Variants in TDRKH observed in about 807,000 individuals in gnomAD.
TDRKH encodes the protein tudor and KH domain containing, also known as tudor and KH domain-containing protein.
In TDRKH, 28 loss-of-function variants were observed where a neutral mutation model predicts 61.3. The ratio of observed to expected loss-of-function variants is 0.46; its 90% CI spans 0.34 to 0.63. The LOEUF is 0.63. Ranked by LOEUF, TDRKH falls within the 20% of genes least tolerant of loss-of-function variation. The pLI is 0.01. For missense variants in TDRKH, 540 were observed against 683.4 expected (o/e 0.79, Z 2.34); for synonymous variants, 219 against 244.4 (o/e 0.90, Z 0.97).
downstream of TDRKH, chr1:151,771,292 G>A (rs1356190154): frequency 6.4e-7 from 1 of 1,570,512 alleles, no homozygotes; most frequent in Non-Finnish European, 8.6e-7. Context: ...ATGTGATTCA[G>A]GACACTTTCC....
chr1:151,774,951 T>C (rs1643991824), intron 11 of TDRKH, 114 bp downstream of exon 11: 2 of 1,352,308 alleles, frequency 1.5e-6, no homozygotes, highest in Non-Finnish European at 1.0e-6. Flanking sequence ...GGTCAACTAC[T>C]GGAGGAGCTC....
At chr1:151,768,010 C>A (rs755450596), downstream of TDRKH, 5 of 1,607,376 alleles carry the variant, frequency 3.1e-6, no homozygotes, top group African/African-American at 6.7e-5. Context: ...CCCCATCTGC[C>A]TGAGGTCTGA....
In TDRKH at chr1:151,774,701, T is replaced by C. The variant is rs757507082; in HGVS notation, c.1633+9A>G. 1 of 1,613,816 alleles carries C rather than the reference T, an allele frequency of 6.2e-7. No individual in the cohort carries two copies. Among genetic ancestry groups the C allele is most frequent in the Non-Finnish European group, 8.5e-7 (1 of 1,179,792 alleles). ...CAAAGATGCTCTAGGGAGGAAATAC[T>C]GCTTGTACCTGATAAGCTGAGGCAG... is the stretch of plus-strand genomic sequence containing the variant. On this transcript the variant is annotated intron_variant, in intron 12 of 12. Coordinates refer to ENST00000368824, the MANE Select transcript of TDRKH (RefSeq NM_001083965.2).
intron 2 of TDRKH, among the ~76,000 whole-genome samples, chr1:151,782,405 C>T (rs1649909805): frequency 6.6e-6 from 1 of 152,018 alleles, no homozygotes; most frequent in Non-Finnish European, 1.5e-5. Flanking sequence ...CGAGATTGCT[C>T]CACTGCACTC....
chr1:151,773,118 C>T (rs1233416763), downstream of TDRKH, among the ~76,000 whole-genome samples: 3 of 152,168 alleles, frequency 2.0e-5, no homozygotes, highest in Non-Finnish European at 2.9e-5. Flanking sequence ...TCTCAGCTCA[C>T]TGCAACCTCC....
At chr1:151,767,322 C>G, downstream of TDRKH, 5 of 1,608,158 alleles carry the variant, frequency 3.1e-6, no homozygotes, top group Admixed American at 1.7e-5. Context: ...TGAGCTAGTG[C>G]TGTGACAGGG....
intron 1 of TDRKH, chr1:151,783,495 T>G (rs35604724): frequency 2.6e-5 from 4 of 152,404 alleles, no homozygotes; most frequent in Non-Finnish European, 5.9e-5. Context: ...TCATTTACTG[T>G]CTCTACTTTT....
At chr1:151,769,588 C>T (rs1200684965), downstream of TDRKH, 6 of 210,904 alleles carry the variant, frequency 2.8e-5, no homozygotes, top group South Asian at 6.5e-5. Flanking sequence ...ACTTCCTAGA[C>T]GGGATGACGG....
chr1:151,776,704 T>C (rs1391943795), intron 6 of TDRKH, 105 bp from the exon 7 acceptor site: 2 of 1,349,802 alleles, frequency 1.5e-6, no homozygotes, highest in Admixed American at 2.5e-5. Context: ...GCTGTTACCA[T>C]TTTAAAATGG....
chr1:151,775,986 C>T lies in TDRKH; in HGVS notation c.1218-102G>A. 3.8e-6 allele frequency: 6 copies of T among 1,572,314 alleles called. No homozygotes were observed. In the South Asian group the frequency reaches 6.8e-5, roughly 18 times the overall value. ...ACTAACATGAGACGATAACCATCTG[C>T]TCTCTGTAAACAGGTTCCCTTCCAA... On this transcript the variant is annotated intron_variant, in intron 8 of 12. Coordinates refer to ENST00000368824, the MANE Select transcript of TDRKH (RefSeq NM_001083965.2).
At chr1:151,769,667 C>T (rs1648561756), downstream of TDRKH, among the ~76,000 whole-genome samples, 1 of 152,076 alleles carries the variant, frequency 6.6e-6, no homozygotes, top group Non-Finnish European at 1.5e-5. Flanking sequence ...ACTTCCCAGA[C>T]GGGGTGGTGG....
chr1:151,787,808 CAAAAAAAAA>C (rs71093211), intron 1 of TDRKH, among the ~76,000 whole-genome samples: 2,315 of 50,642 alleles, frequency 0.046, 75 homozygotes, highest in African/African-American at 0.16. Flanking sequence ...TCTGTTTCTA[CAAAAAAAAA>C]AAAAAAAAAA....
At chr1:151,783,452 CCTTA>C (rs1320153142) in intron 1 of TDRKH, among the ~76,000 whole-genome samples, 2 of 152,214 alleles carry the variant, frequency 1.3e-5, no homozygotes, top group Non-Finnish European at 2.9e-5. Flanking sequence ...TTAGTAAAGG[CCTTA>C]CTATTTATCT....
chr1:151,777,157 T>C (rs1649260958), intron 6 of TDRKH, among the ~76,000 whole-genome samples: 1 of 152,168 alleles, frequency 6.6e-6, no homozygotes, highest in Non-Finnish European at 1.5e-5. Flanking sequence ...TGATAAAGTA[T>C]GTCTAGGCTG....
intron 6 of TDRKH, among the ~76,000 whole-genome samples, chr1:151,777,784 C>T (rs1649342318): frequency 6.9e-6 from 1 of 145,098 alleles, no homozygotes. Context: ...ACGGTGCAAT[C>T]CCAGCTCACT....
chr1:151,789,587 T>C (rs1650698586), intron 1 of TDRKH, among the ~76,000 whole-genome samples: 1 of 152,218 alleles, frequency 6.6e-6, no homozygotes. Flanking sequence ...TCCTGACATT[T>C]GTATTGAACA....
chr1:151,774,787 G>C lies in TDRKH; in HGVS notation c.1556C>G (p.Ser519Cys), dbSNP rs531104969. 3.1e-6 allele frequency: 5 copies of C among 1,614,216 alleles called. No homozygotes were observed. In the South Asian group the frequency reaches 4.4e-5, roughly 14 times the overall value. Residue 519 changes from serine to cysteine, a missense_variant, in exon 12 of 13, where the codon TCT (serine) becomes TGT (cysteine). This residue lies in a region of TDRKH where 379 missense variants were observed against 443.8 expected (regional missense o/e 0.85). Transcript: ENST00000368824. The stretch of plus-strand genomic sequence containing the variant: ...GGTCTCAGTGAGCAACGTGCTGAGA[G>C]AGGCATCTGTTTCTGTGGCCTGAGT... ...LKDMATETDA[S>C]LSTLLTETKK... is the part of the protein sequence containing the mutation.
intron 2 of TDRKH, 121 bp from the exon 3 acceptor site, chr1:151,781,708 T>G: frequency 1.2e-6 from 1 of 810,638 alleles, no homozygotes. Flanking sequence ...AGTGAGGATC[T>G]CAACCATAAC....
chr1:151,790,228 C>T (rs1650786014), intron 1 of TDRKH, among the ~76,000 whole-genome samples, 152 bp downstream of exon 1: 1 of 152,150 alleles, frequency 6.6e-6, no homozygotes, highest in Non-Finnish European at 1.5e-5. Flanking sequence ...CCCCGAGCGG[C>T]GTCTCACAGC....
Sources: gnomAD v4.1 joint callset for allele counts (sites outside exome capture counted in the v4.1 genomes callset) on GRCh38, gnomAD v4.1.1 for gene constraint, gnomAD v4.1.1 regional missense constraint, MANE v1.5 for transcripts, NCBI Gene and HGNC (gene_info 2026-07-23, HGNC 2026-07-21) for gene names.